ZMAT4: variants seen among roughly 807,000 people sequenced by gnomAD.
ZMAT4 encodes zinc finger matrin-type protein 4.
In ZMAT4, 17 loss-of-function variants were observed where a neutral mutation model predicts 28.7. The ratio of observed to expected loss-of-function variants is 0.59; its 90% CI spans 0.41 to 0.89. ZMAT4 has a LOEUF of 0.89. Ranked by LOEUF, ZMAT4 falls within the 40% of genes least tolerant of loss-of-function variation. The pLI is 0.00. For synonymous variants in ZMAT4, 117 were observed against 109.2 expected (o/e 1.07, Z -0.44); for missense variants, 240 against 283.8 (o/e 0.85, Z 1.11).
intron 3 of ZMAT4, among the ~76,000 whole-genome samples, chr8:40,707,879 G>T (rs1317983538): frequency 7.2e-5 from 11 of 152,166 alleles, no homozygotes; most frequent in Non-Finnish European, 1.6e-4. Flanking sequence ...AATAGGACCT[G>T]CCATAGACCA....
At chr8:40,884,105 C>T (rs1455685896) in intron 1 of ZMAT4, among the ~76,000 whole-genome samples, 2 of 152,186 alleles carry the variant, frequency 1.3e-5, no homozygotes, top group Non-Finnish European at 1.5e-5. Flanking sequence ...CTGAGGTCCT[C>T]GCTGTCCTGT....
intron 3 of ZMAT4, among the ~76,000 whole-genome samples, chr8:40,745,079 A>G (rs1344609867): frequency 1.3e-5 from 2 of 152,194 alleles, no homozygotes; most frequent in Non-Finnish European, 2.9e-5. Flanking sequence ...CTCTGAAACC[A>G]CAGGAAGGGA....
intron 6 of ZMAT4, among the ~76,000 whole-genome samples, chr8:40,576,565 A>G (rs1804271666): frequency 6.6e-6 from 1 of 151,792 alleles, no homozygotes; most frequent in Admixed American, 6.6e-5. Flanking sequence ...CAAGAATACT[A>G]TACCCTGGAA....
intron 3 of ZMAT4, among the ~76,000 whole-genome samples, chr8:40,729,597 CTTT>C (rs71546305): frequency 5.0e-4 from 71 of 142,446 alleles, no homozygotes; most frequent in Admixed American, 1.2e-3. Context: ...TTCTTTCTTT[CTTT>C]TTTTTTTTTT....
At chr8:40,695,756 T>G (rs1809855629) in intron 4 of ZMAT4, among the ~76,000 whole-genome samples, 1 of 149,856 alleles carries the variant, frequency 6.7e-6, no homozygotes, top group Admixed American at 6.7e-5. Context: ...GAACTGGTTT[T>G]GCCATGTGGC....
chr8:40,560,007 G>T (rs1020604714), intron 6 of ZMAT4, among the ~76,000 whole-genome samples: 1 of 152,034 alleles, frequency 6.6e-6, no homozygotes, highest in African/African-American at 2.4e-5. Flanking sequence ...TCCATGTCAG[G>T]TGTAATTTTT....
intron 1 of ZMAT4, among the ~76,000 whole-genome samples, chr8:40,861,633 G>A (rs996987617): frequency 8.5e-5 from 13 of 152,248 alleles, no homozygotes; most frequent in East Asian, 3.9e-4. Context: ...TGAACAGGCA[G>A]CCTACAGAAT....
intron 1 of ZMAT4, among the ~76,000 whole-genome samples, chr8:40,871,471 C>G (rs973111055): frequency 1.3e-5 from 2 of 152,196 alleles, no homozygotes; most frequent in African/African-American, 2.4e-5. Context: ...GTTTCTCTAA[C>G]TTCATATCCA....
chr8:40,546,744 A>C (rs776229456), intron 6 of ZMAT4, among the ~76,000 whole-genome samples: 4 of 152,138 alleles, frequency 2.6e-5, no homozygotes, highest in Non-Finnish European at 4.4e-5. Flanking sequence ...GGCCCTCCAG[A>C]GCTCGGTGTG....
chr8:40,600,804 A>G (rs1275854245), intron 5 of ZMAT4, among the ~76,000 whole-genome samples: 1 of 152,154 alleles, frequency 6.6e-6, no homozygotes, highest in Non-Finnish European at 1.5e-5. Context: ...CCACACTGCC[A>G]TCCCCATCCC....
chr8:40,753,986 A>G (rs1159410201), intron 3 of ZMAT4, among the ~76,000 whole-genome samples: 1 of 152,144 alleles, frequency 6.6e-6, no homozygotes, highest in African/African-American at 2.4e-5. Context: ...ATCCTGGCCA[A>G]CATGGTGAAA....
chr8:40,715,751 T>C (rs1810823554), intron 3 of ZMAT4, among the ~76,000 whole-genome samples: 1 of 152,200 alleles, frequency 6.6e-6, no homozygotes, highest in Admixed American at 6.5e-5. Flanking sequence ...TACAGAGATG[T>C]CTCTAGTTGG....
intron 3 of ZMAT4, among the ~76,000 whole-genome samples, chr8:40,746,407 A>T (rs1382915091): frequency 1.6e-5 from 2 of 128,144 alleles, no homozygotes; most frequent in Admixed American, 1.8e-4. Flanking sequence ...TCTCTTGCCG[A>T]GGCTGGAGTG....
rs139896677 is a variant in ZMAT4 at position 40,701,917 on chromosome 8, T to C, written c.193-4516A>G. 4.3e-3 allele frequency among the ~76,000 whole-genome samples: 654 copies of C among 152,286 alleles called. 1 individual carries two copies. The highest frequency in any genetic ancestry group is 6.8e-3 in the Non-Finnish European group (465 of 68,024). ...TATATCATCTGCTATGGTTTGAATATGTTGGAAACTTAATCCCCAATGCAA... is the reference window on the plus strand; with the variant it reads ...TATATCATCTGCTATGGTTTGAATACGTTGGAAACTTAATCCCCAATGCAA... On this transcript the variant is annotated intron_variant, in intron 3 of 6. Coordinates refer to ENST00000297737, the MANE Select transcript of ZMAT4 (RefSeq NM_024645.3).
At chr8:40,562,583 G>A (rs1803782797) in intron 6 of ZMAT4, among the ~76,000 whole-genome samples, 1 of 152,044 alleles carries the variant, frequency 6.6e-6, no homozygotes. Context: ...CAATGGGGCT[G>A]CTGGGGCACT....
chr8:40,541,616 A>T (rs1248475109), intron 6 of ZMAT4, among the ~76,000 whole-genome samples: 1 of 152,226 alleles, frequency 6.6e-6, no homozygotes, highest in Non-Finnish European at 1.5e-5. Context: ...TCACCACGGA[A>T]CATTCCACTG....
chr8:40,842,221 A>G lies in ZMAT4; in HGVS notation c.-4-16541T>C, dbSNP rs189988123. ...GCATCAACTGTCCCTCTGCCCACCA[A>G]GTGCACCTCTGTTCTGAGCTATACC... On this transcript the variant is annotated intron_variant, in intron 1 of 6. Coordinates refer to ENST00000297737, the MANE Select transcript of ZMAT4 (RefSeq NM_024645.3). Among the ~76,000 whole-genome samples the G allele has an allele frequency of 6.8e-3, 1,029 of 152,314 alleles. 19 individuals carry two copies. Among genetic ancestry groups the G allele is most frequent in the African/African-American group, 0.024 (981 of 41,582 alleles).
At chr8:40,634,983 G>A (rs889029334) in intron 5 of ZMAT4, among the ~76,000 whole-genome samples, 2 of 152,074 alleles carry the variant, frequency 1.3e-5, no homozygotes, top group African/African-American at 4.8e-5. Flanking sequence ...CAATATTTCT[G>A]GAATCCAATT....
chr8:40,859,908 C>T (rs753753646), intron 1 of ZMAT4, among the ~76,000 whole-genome samples: 10 of 152,120 alleles, frequency 6.6e-5, no homozygotes, highest in African/African-American at 9.7e-5. Flanking sequence ...ACTACCCAAG[C>T]AACTTTAAAA....
Sources: allele counts gnomAD v4.1 joint callset (sites outside exome capture counted in the v4.1 genomes callset), GRCh38; gene constraint gnomAD v4.1.1; transcripts MANE v1.5; gene names NCBI Gene and HGNC (gene_info 2026-07-23, HGNC 2026-07-21).